PRKAG2: variants seen among roughly 807,000 people sequenced by gnomAD.
PRKAG2 encodes protein kinase AMP-activated non-catalytic subunit gamma 2, also known as 5'-AMP-activated protein kinase subunit gamma-2.
PRKAG2 carries 26 observed loss-of-function variants against 69.6 expected under a neutral mutation model. The ratio of observed to expected loss-of-function variants is 0.37; its 90% confidence interval spans 0.27 to 0.52. The LOEUF is 0.52. PRKAG2 is among the 20% of genes least tolerant of loss of function. The probability of loss-of-function intolerance (pLI) is 0.90; values close to 1 mark genes in which losing one functional copy is unlikely to be tolerated. For synonymous variants in PRKAG2, 293 were observed against 285.0 expected, an observed-to-expected ratio of 1.03 and a Z score of -0.28; for missense variants, 557 against 740.0, an observed-to-expected ratio of 0.75 and a Z score of 2.87.
Position 151,743,459 on chromosome 7 carries a change from G to A in PRKAG2, c.466+37693C>T, listed in dbSNP as rs368539002. On this transcript the variant is annotated intron_variant, in intron 3 of 15. Coordinates refer to ENST00000287878, the MANE Select transcript of PRKAG2 (RefSeq NM_016203.4). ...AGCTCATTCAACGTGTGTTCTTTAC[G>A]TGTGTCTTCTGGTGGCTGTTCTTTT... Among the ~76,000 whole-genome samples the A allele has an allele frequency of 2.5e-4, 38 of 152,300 alleles. No individual in the cohort carries two copies. The South Asian group carries it at 6.0e-3, about 24-fold the overall frequency.
At chr7:151,702,297 C>T (rs1837844490) in intron 3 of PRKAG2, among the ~76,000 whole-genome samples, 1 of 152,220 alleles carries the variant, frequency 6.6e-6, no homozygotes, top group Admixed American at 6.5e-5. Context: ...GCCGGTCCCC[C>T]AAAAGAGAGA....
intron 4 of PRKAG2, among the ~76,000 whole-genome samples, chr7:151,637,155 G>A (rs2151349535): frequency 1.3e-5 from 2 of 152,258 alleles, no homozygotes; most frequent in South Asian, 4.1e-4. Context: ...TAGGTAAAGG[G>A]TGCACAGGAT....
At chr7:151,566,861 A>T (rs1806376848) in intron 11 of PRKAG2, among the ~76,000 whole-genome samples, 1 of 152,180 alleles carries the variant, frequency 6.6e-6, no homozygotes, top group Non-Finnish European at 1.5e-5. Flanking sequence ...AATTCAGTAA[A>T]AATCAGGCTC....
chr7:151,612,367 C>A (rs534917449), intron 5 of PRKAG2, among the ~76,000 whole-genome samples: 12 of 152,232 alleles, frequency 7.9e-5, no homozygotes, highest in Non-Finnish European at 1.2e-4. Context: ...TGCTAGAGAG[C>A]TTTTAGGTAT....
At position 151,780,452 on chromosome 7, in the gene PRKAG2, A is replaced by G. The variant is rs1020644864; in HGVS notation, c.466+700T>C. On this transcript the variant is annotated intron_variant, in intron 3 of 15. Coordinates refer to ENST00000287878, the MANE Select transcript of PRKAG2 (RefSeq NM_016203.4). The surrounding 1 kb of genome is among the most constrained non-coding windows in gnomAD (Gnocchi z 4.2). ...GTTCTAAGTCAGTAGAAAGAACTGG[A>G]AAGAATAGACAAAGGAAAGGAGAAA... 1.3e-5 allele frequency among the ~76,000 whole-genome samples: 2 copies of G among 152,270 alleles called. No individual in the cohort carries two copies. The highest frequency in any genetic ancestry group is 3.8e-4 in the East Asian group (2 of 5,204).
intron 1 of PRKAG2, among the ~76,000 whole-genome samples, chr7:151,813,780 T>C (rs1001521136): frequency 3.3e-5 from 5 of 152,164 alleles, no homozygotes; most frequent in African/African-American, 1.2e-4. Context: ...TGCTGCTTCT[T>C]TGGATTCCCC....
In PRKAG2 at chr7:151,614,781, TAATCAC is replaced by T. The variant is rs1819678052; in HGVS notation, c.754+17282_754+17287del. On this transcript the variant is annotated intron_variant, in intron 5 of 15. Transcript: ENST00000287878. This position sits in a 1 kb window ranked among gnomAD's most constrained non-coding sequence, Gnocchi z 4.4. Reference sequence around the variant, plus strand: ...CCCATCACCAGCAACCACCTGGCACTAATCACAATGGCTTTTCTGCAAACTCCTTGC... The same window carrying T: ...CCCATCACCAGCAACCACCTGGCACTAATGGCTTTTCTGCAAACTCCTTGC... Among the ~76,000 whole-genome samples the T allele has an allele frequency of 6.6e-6, 1 of 152,238 alleles. No homozygotes were observed.
chr7:151,595,215 C>A (rs899693181), intron 6 of PRKAG2, 130 bp downstream of exon 6: 8 of 691,646 alleles, frequency 1.2e-5, no homozygotes, highest in Admixed American at 2.2e-5. Context: ...TCAGATAAAA[C>A]CTCAGCACAG....
At chr7:151,748,687 T>G (rs1212170024) in intron 3 of PRKAG2, among the ~76,000 whole-genome samples, 1 of 152,072 alleles carries the variant, frequency 6.6e-6, no homozygotes, top group Non-Finnish European at 1.5e-5. Flanking sequence ...ACAAAAAAAA[T>G]CTGGTAAATG....
At chr7:151,681,101 A>G (rs1379534482) in intron 3 of PRKAG2, among the ~76,000 whole-genome samples, 1 of 152,088 alleles carries the variant, frequency 6.6e-6, no homozygotes, top group Non-Finnish European at 1.5e-5. Flanking sequence ...CGCTCCTCCC[A>G]TGGCCCTGTC....
rs148339390 is a variant in PRKAG2 at position 151,600,945 on chromosome 7, G to A, written c.755-5491C>T. On this transcript the variant is annotated intron_variant, in intron 5 of 15. Transcript: ENST00000287878. Reference sequence around the variant, plus strand: ...TTTTCATTTTACCTCTGAGGAAACCGAGGCTAGGAGAAGCTGCGTCACTTG... The same window carrying A: ...TTTTCATTTTACCTCTGAGGAAACCAAGGCTAGGAGAAGCTGCGTCACTTG... Among the ~76,000 whole-genome samples the A allele has an allele frequency of 2.2e-3, 337 of 152,286 alleles. 2 individuals are homozygous for A. Among genetic ancestry groups the A allele is most frequent in the African/African-American group, 8.0e-3 (331 of 41,564 alleles).
At chr7:151,650,127 G>A (rs191302607) in intron 4 of PRKAG2, among the ~76,000 whole-genome samples, 146 of 152,214 alleles carry the variant, frequency 9.6e-4, no homozygotes, top group Non-Finnish European at 1.7e-3. Flanking sequence ...AGCCTGAGGC[G>A]GGAGGATTGC....
chr7:151,806,919 T>C (rs1199441335), intron 1 of PRKAG2: 1 of 446,002 alleles, frequency 2.2e-6, no homozygotes. Flanking sequence ...TGAGCCAAGA[T>C]CGCACCATTG....
At chr7:151,871,919 G>A (rs574698367) in intron 1 of PRKAG2, among the ~76,000 whole-genome samples, 5 of 152,156 alleles carry the variant, frequency 3.3e-5, no homozygotes, top group Non-Finnish European at 5.9e-5. Context: ...CTAGGGGTCC[G>A]AGGAGGCCAC....
At chr7:151,622,874 C>A (rs949426514) in intron 5 of PRKAG2, among the ~76,000 whole-genome samples, 2 of 152,190 alleles carry the variant, frequency 1.3e-5, no homozygotes, top group African/African-American at 4.8e-5. Context: ...GCAGTTACTG[C>A]TGATGGAGAC....
chr7:151,762,309 A>G (rs1412155783), intron 3 of PRKAG2, among the ~76,000 whole-genome samples: 1 of 152,232 alleles, frequency 6.6e-6, no homozygotes, highest in African/African-American at 2.4e-5. Flanking sequence ...TGTTGCAAGA[A>G]TGAGCCCAAT....
intron 1 of PRKAG2, among the ~76,000 whole-genome samples, chr7:151,793,144 A>G (rs555455688): frequency 8.5e-5 from 13 of 152,386 alleles, no homozygotes; most frequent in Admixed American, 7.8e-4. Context: ...AAGGACTCCC[A>G]TTAGACTCAG....
intron 6 of PRKAG2, among the ~76,000 whole-genome samples, chr7:151,593,051 G>A (rs1813616419): frequency 6.6e-6 from 1 of 152,194 alleles, no homozygotes; most frequent in African/African-American, 2.4e-5. Context: ...ATATTTACTG[G>A]ATCAGTCACC....
chr7:151,732,311 G>A (rs1401575465), intron 3 of PRKAG2, among the ~76,000 whole-genome samples: 3 of 151,774 alleles, frequency 2.0e-5, no homozygotes, highest in Admixed American at 2.0e-4. Flanking sequence ...GCTAATTGTT[G>A]TATTTTTCAT....
Sources: allele counts gnomAD v4.1 joint callset (sites outside exome capture counted in the v4.1 genomes callset), GRCh38; gene constraint gnomAD v4.1.1; non-coding constraint Gnocchi (gnomAD v3.1); transcripts MANE v1.5; gene names NCBI Gene and HGNC (gene_info 2026-07-23, HGNC 2026-07-21).